NUMA1: variants seen among roughly 807,000 people sequenced by gnomAD.
NUMA1 encodes the protein SP-H antigen.
A neutral mutation model predicts 237.1 loss-of-function variants in NUMA1; 62 were observed. The observed-to-expected ratio is 0.26, with a 90% confidence interval of 0.21 to 0.32. NUMA1 has a LOEUF of 0.32. Among genes scored for constraint, NUMA1 ranks in the 10% least tolerant of loss-of-function variants. The pLI is 1.00. For missense variants in NUMA1, 2,533 were observed against 2,666.5 expected (o/e 0.95, Z 1.10); for synonymous variants, 1,028 against 1,066.1 (o/e 0.96, Z 0.70).
intron 24 of NUMA1, 47 bp downstream of exon 24, chr11:72,004,593 G>A (rs1332528070): frequency 3.2e-6 from 5 of 1,579,564 alleles, no homozygotes; most frequent in African/African-American, 1.4e-5. Context: ...AGCTGGGCCT[G>A]ACCTGAGCAC....
At chr11:72,059,127 T>A (rs1942814665) in intron 2 of NUMA1, among the ~76,000 whole-genome samples, 1 of 152,232 alleles carries the variant, frequency 6.6e-6, no homozygotes, top group Non-Finnish European at 1.5e-5. Flanking sequence ...CCTAAGCATG[T>A]ACACATACAG....
At chr11:72,065,961 C>G (rs1591075093) in intron 2 of NUMA1, 1 of 152,178 alleles carries the variant, frequency 6.6e-6, no homozygotes, top group African/African-American at 2.4e-5. Context: ...CTGTAAGAAC[C>G]AGGACCACCA....
At chr11:72,003,815 C>G in intron 26 of NUMA1, 72 bp downstream of exon 26, 1 of 1,510,400 alleles carries the variant, frequency 6.6e-7, no homozygotes, top group Non-Finnish European at 9.1e-7. Context: ...TTGGATGCTA[C>G]TTGGTGGGGC....
chr11:72,008,654 T>C (rs1438324046), intron 20 of NUMA1, 34 bp downstream of exon 20: 1 of 1,611,700 alleles, frequency 6.2e-7, no homozygotes, highest in Non-Finnish European at 8.5e-7. Context: ...AGGCACTCCA[T>C]AAACAGACAT....
chr11:72,019,725 G>A, intron 8 of NUMA1, 108 bp from the exon 9 acceptor site: 3 of 1,214,594 alleles, frequency 2.5e-6, no homozygotes, highest in East Asian at 2.6e-5. Flanking sequence ...GTATATCCAT[G>A]GATACTTATA....
Position 72,004,007 on chromosome 11 carries a change from G to T in NUMA1, c.6216C>A (p.Ala2072=), listed in dbSNP as rs746895217. ...SLLRRGASKK[A]LSKASPNTRS... is the part of the protein sequence containing the mutation. ...GAGTGTTGGGGGAAGCCTTGGACAG[G>T]GCCTTCTTTGAGGCTCCCCGCCGCA... The change falls in exon 26 of 27, where the codon GCC becomes GCA. Residue 2072 remains alanine (A), a synonymous_variant. Transcript: ENST00000393695. 6.2e-7 allele frequency: 1 copy of T among 1,613,530 alleles called. No individual in the cohort carries two copies. Among genetic ancestry groups the T allele is most frequent in the African/African-American group, 1.3e-5 (1 of 75,042 alleles).
chr11:72,012,454 G>T lies in NUMA1; in HGVS notation c.4609-12C>A. 1 of 1,611,446 alleles carries T rather than the reference G, an allele frequency of 6.2e-7. No homozygotes were observed. The highest frequency in any genetic ancestry group is 1.1e-5 in the South Asian group (1 of 90,360). ...TCTAGCTGCTCCACCTGTACATGGG[G>T]GAGGAGCAACAGAGACAGAGTGAGA... On this transcript the variant is annotated splice_polypyrimidine_tract_variant and intron_variant, in intron 15 of 26. Transcript: ENST00000393695.
Position 72,015,664 on chromosome 11 carries a change from C to T in NUMA1, c.1839G>A (p.Lys613=), listed in dbSNP as rs1565215646. ...LKQLEALEKE[K]AAKLEILQQQ... is the part of the protein sequence containing the mutation. ...GCTGCAGAATCTCCAGCTTGGCAGC[C>T]TTCTCCTTCTCCAGTGCCTCCAGCT... Residue 613 remains lysine (K), a synonymous_variant, in exon 15 of 27, where the codon AAG becomes AAA. Coordinates refer to ENST00000393695, the MANE Select transcript of NUMA1 (RefSeq NM_006185.4). This position sits in a 1 kb window ranked among gnomAD's most constrained non-coding sequence, Gnocchi z 4.0. The T allele has an allele frequency of 6.2e-7, 1 of 1,613,932 alleles. No homozygotes were observed. Among genetic ancestry groups the T allele is most frequent in the Admixed American group, 1.7e-5 (1 of 60,028 alleles).
chr11:72,025,387 G>C (rs1382679302), intron 4 of NUMA1, among the ~76,000 whole-genome samples: 1 of 151,926 alleles, frequency 6.6e-6, no homozygotes, highest in Non-Finnish European at 1.5e-5. Flanking sequence ...ACTCCAGCCT[G>C]GGCAACAGAG....
At chr11:72,006,752 C>G (rs1222881542) in intron 21 of NUMA1, among the ~76,000 whole-genome samples, 1 of 152,182 alleles carries the variant, frequency 6.6e-6, no homozygotes, top group African/African-American at 2.4e-5. Context: ...ACAGGTCCCC[C>G]CTGCTGTACC....
At chr11:72,056,636 A>T (rs79457188) in intron 2 of NUMA1, among the ~76,000 whole-genome samples, 30 of 22,060 alleles carry the variant, frequency 1.4e-3, no homozygotes, top group African/African-American at 6.7e-3. Flanking sequence ...CCATCTCTTT[A>T]AAAAAAAAAA....
chr11:72,066,761 G>A (rs1291563108), intron 2 of NUMA1: 1 of 152,222 alleles, frequency 6.6e-6, no homozygotes, highest in African/African-American at 2.4e-5. Context: ...GATGCTAGCT[G>A]TAATACTTGT....
chr11:72,035,927 G>C lies in NUMA1; in HGVS notation c.17C>G (p.Thr6Ser). 1 of 1,614,084 alleles carries C rather than the reference G, an allele frequency of 6.2e-7. No homozygotes were observed. The highest frequency in any genetic ancestry group is 8.5e-7 in the Non-Finnish European group (1 of 1,179,996). MTLHA[T>S]RGAALLSWVN... is the part of the protein sequence containing the mutation. Reference sequence around the variant, plus strand: ...CCAAGAGAGGAGTGCAGCCCCCCGGGTGGCGTGGAGTGTCATCTTGGTGAT... The same window carrying C: ...CCAAGAGAGGAGTGCAGCCCCCCGGCTGGCGTGGAGTGTCATCTTGGTGAT... The change falls in exon 3 of 27, where the codon ACC (threonine) becomes AGC (serine). Residue 6 changes from threonine (T) to serine (S), a missense_variant. Transcript: ENST00000393695.
chr11:72,029,822 C>T (rs1288363631), intron 3 of NUMA1, among the ~76,000 whole-genome samples: 1 of 151,498 alleles, frequency 6.6e-6, no homozygotes, highest in African/African-American at 2.4e-5. Flanking sequence ...CTATACACTC[C>T]CACAAACATA....
intron 4 of NUMA1, among the ~76,000 whole-genome samples, chr11:72,028,450 T>TTA (rs1472834279): frequency 4.0e-5 from 3 of 75,368 alleles, no homozygotes; most frequent in Non-Finnish European, 4.7e-5. Context: ...TGCTTTTTCT[T>TTA]AAAAAAAAAA....
chr11:72,017,836 G>A lies in NUMA1; in HGVS notation c.979-9C>T. 1 of 1,568,758 alleles carries A rather than the reference G, an allele frequency of 6.4e-7. No individual in the cohort carries two copies. The stretch of plus-strand genomic sequence containing the variant: ...CTGGCAAACTCCCGCAGCTGAGACG[G>A]GCAAGTGAGAATCCCCATCACCCAG... On this transcript the variant is annotated splice_polypyrimidine_tract_variant and intron_variant, in intron 12 of 26. Coordinates refer to ENST00000393695, the MANE Select transcript of NUMA1 (RefSeq NM_006185.4).
At position 72,006,185 on chromosome 11, in the gene NUMA1, G is replaced by C; in HGVS notation, c.5542C>G (p.Leu1848Val). Residue 1848 changes from leucine (L) to valine (V), a missense_variant, in exon 22 of 27, where the codon CTG becomes GTG. Around this residue, in one of 3 missense-constraint regions of NUMA1, gnomAD observed 795 missense variants for 750.8 expected, o/e 1.06. Coordinates refer to ENST00000393695, the MANE Select transcript of NUMA1 (RefSeq NM_006185.4). Reference protein sequence around the residue: ...TRSAPASQASLRATSSTQSLA... With the variant: ...TRSAPASQASVRATSSTQSLA... ...GACTGAGTAGAGGAGGTGGCTCGCA[G>C]GCTAGCCTGGGAAGCAGGAGCAGAC... 2.5e-6 allele frequency: 4 copies of C among 1,614,172 alleles called. No homozygotes were observed. Among genetic ancestry groups the C allele is most frequent in the Non-Finnish European group, 3.4e-6 (4 of 1,180,046 alleles).
At position 72,006,074 on chromosome 11, in the gene NUMA1, G is replaced by T. The variant is rs745625793; in HGVS notation, c.5653C>A (p.Arg1885Ser). 2 of 1,613,920 alleles carry T rather than the reference G, an allele frequency of 1.2e-6. No individual in the cohort carries two copies. Among genetic ancestry groups the T allele is most frequent in the South Asian group, 1.1e-5 (1 of 91,066 alleles). Residue 1885 changes from arginine (R) to serine (S), a missense_variant, in exon 22 of 27, where the codon CGT becomes AGT. Arg to Ser is a moderately radical substitution (Grantham distance 110). This residue lies in a region of NUMA1 where 795 missense variants were observed against 750.8 expected (regional missense o/e 1.06). Transcript: ENST00000393695. The stretch of plus-strand genomic sequence containing the variant: ...CTGGACACCCCGGCCTGGGAACGAC[G>T]AGCAGAACTGCGAGTGGTGGGGCGG... ...GYRPTTRSSA[R>S]RSQAGVSSGA...
chr11:72,008,551 T>C (rs1037974182), intron 20 of NUMA1, 137 bp downstream of exon 20: 15 of 965,368 alleles, frequency 1.6e-5, no homozygotes, highest in African/African-American at 6.5e-5. Context: ...TAAATAGATA[T>C]CTGGTATAAT....
Sources: allele counts gnomAD v4.1 joint callset (sites outside exome capture counted in the v4.1 genomes callset), GRCh38; gene constraint gnomAD v4.1.1; regional missense constraint gnomAD v4.1.1; non-coding constraint Gnocchi (gnomAD v3.1); transcripts MANE v1.5; gene names NCBI Gene and HGNC (gene_info 2026-07-23, HGNC 2026-07-21).